The following ACOX3 variants were observed in gnomAD, a reference collection of about 807,000 sequenced individuals.
The protein encoded by ACOX3 is acyl-CoA oxidase 3, pristanoyl, also known as peroxisomal acyl-coenzyme A oxidase 3.
A neutral mutation model predicts 81.5 loss-of-function variants in ACOX3; 73 were observed. That is an observed-to-expected ratio of 0.90 (90% CI 0.74 to 1.09). The LOEUF (loss-of-function observed/expected upper bound fraction) is 1.09, where lower values mean the gene tolerates loss of function less well. Ranked by LOEUF, ACOX3 falls within the 50% of genes least tolerant of loss-of-function variation. The pLI is 0.00. For synonymous variants in ACOX3, 387 were observed against 375.1 expected (o/e 1.03, Z -0.37); for missense variants, 947 against 928.0 (o/e 1.02, Z -0.27).
chr4:8,372,274 A>AT (rs1560165585), intron 16 of ACOX3, among the ~76,000 whole-genome samples: 4 of 152,106 alleles, frequency 2.6e-5, no homozygotes, highest in Non-Finnish European at 5.9e-5. Context: ...TTTTAAAATT[A>AT]TTTTTTGTAG....
chr4:8,382,598 G>C lies in ACOX3; in HGVS notation c.1538-991C>G, dbSNP rs1385623959. ...CGGTCTTGCTCAGAGATCCCAGGCA[G>C]GAGAATGGGGATCAGCCACACTGAG... On this transcript the variant is annotated intron_variant, in intron 13 of 17. Transcript: ENST00000356406. The surrounding 1 kb of genome is among the most constrained non-coding windows in gnomAD (Gnocchi z 4.1). 6.6e-6 allele frequency among the ~76,000 whole-genome samples: 1 copy of C among 152,238 alleles called. No homozygotes were observed. The highest frequency in any genetic ancestry group is 6.5e-5 in the Admixed American group (1 of 15,292).
In ACOX3 at chr4:8,389,597, G is replaced by A. The variant is rs1252728762; in HGVS notation, c.1423+15C>T. ...TGGGTTCCAGCGCCCCCACCAGTGT[G>A]CAGCAGAGCCTCACCGTGGACCTGG... On this transcript the variant is annotated intron_variant, in intron 12 of 17. Transcript: ENST00000356406. The surrounding 1 kb of genome is among the most constrained non-coding windows in gnomAD (Gnocchi z 5.3). 1.9e-6 allele frequency: 3 copies of A among 1,613,470 alleles called. No individual in the cohort carries two copies. Among genetic ancestry groups the A allele is most frequent in the Non-Finnish European group, 2.5e-6 (3 of 1,179,960 alleles).
chr4:8,403,560 G>A (rs989450032), intron 7 of ACOX3, among the ~76,000 whole-genome samples: 6 of 152,218 alleles, frequency 3.9e-5, no homozygotes, highest in African/African-American at 1.2e-4. Context: ...GGGGCTCAGT[G>A]ACCTGGCTTG....
chr4:8,390,077 C>G (rs1249872667), intron 11 of ACOX3, among the ~76,000 whole-genome samples: 6 of 133,542 alleles, frequency 4.5e-5, no homozygotes, highest in African/African-American at 1.9e-4. Context: ...CACTCCAGCC[C>G]GGGTGACAGA....
chr4:8,386,896 C>T lies in ACOX3; in HGVS notation c.1537+2277G>A, dbSNP rs937583374. Among the ~76,000 whole-genome samples, 3 of 152,220 alleles carry T rather than the reference C, an allele frequency of 2.0e-5. No homozygotes were observed. The highest frequency in any genetic ancestry group is 1.9e-4 in the East Asian group (1 of 5,180). ...CTGGAGACGGACAAGGACACACGCT[C>T]GGGGGCTGCTATCACATCCACGGCG... On this transcript the variant is annotated intron_variant, in intron 13 of 17. Transcript: ENST00000356406. The surrounding 1 kb of genome is among the most constrained non-coding windows in gnomAD (Gnocchi z 5.2).
chr4:8,407,026 G>C lies in ACOX3; in HGVS notation c.688-983C>G, dbSNP rs1721062529. Among the ~76,000 whole-genome samples the C allele has an allele frequency of 1.3e-5, 2 of 152,144 alleles. No individual in the cohort carries two copies. The highest frequency in any genetic ancestry group is 1.3e-4 in the Admixed American group (2 of 15,284). The stretch of plus-strand genomic sequence containing the variant: ...GCAGGTGTTTTTCCTTGACACTTAT[G>C]CTACCGCTAGACCACGGTCTGCTTG... On this transcript the variant is annotated intron_variant, in intron 6 of 17. Transcript: ENST00000356406. The surrounding 1 kb of genome is among the most constrained non-coding windows in gnomAD (Gnocchi z 4.6).
chr4:8,403,606 G>A (rs561089179), intron 7 of ACOX3, among the ~76,000 whole-genome samples: 6 of 152,320 alleles, frequency 3.9e-5, no homozygotes, highest in East Asian at 3.9e-4. Context: ...AAGGGCGGTC[G>A]TTATTGTGTT....
the ACOX3 span, chr4:8,357,356 C>CT: frequency 2.4e-6 from 1 of 421,356 alleles, no homozygotes; most frequent in Admixed American, 2.5e-5. Flanking sequence ...TGCAGGAACA[C>CT]TGGCATGAAC....
Position 8,433,270 on chromosome 4 carries a change from A to G in ACOX3, c.-15+7378T>C, listed in dbSNP as rs914014289. ...TTCAGCAGTTATTCACTATGAGATT[A>G]TACTGGATTAGGGTTGGCCCTAATC... On this transcript the variant is annotated intron_variant, in intron 1 of 17. Transcript: ENST00000356406. 5.9e-5 allele frequency among the ~76,000 whole-genome samples: 9 copies of G among 152,280 alleles called. No individual in the cohort carries two copies. The South Asian group carries it at 1.0e-3, about 18-fold the overall frequency.
chr4:8,416,396 C>G lies in ACOX3; in HGVS notation c.126G>C (p.Glu42Asp). Residue 42 changes from glutamate to aspartate, a missense_variant, in exon 2 of 18, where the codon GAG (glutamate) becomes GAC (aspartate). Glu to Asp is a conservative substitution (Grantham distance 45). Transcript: ENST00000356406. The surrounding 1 kb of genome is among the most constrained non-coding windows in gnomAD (Gnocchi z 4.2). ...GCCTCACCTTAAAGCGGAGCATGCC[C>G]TCCCCTTCCGTGAACAGCGCCAGCT... ...WKELALFTEGEGMLRFKKTIF... is the reference protein window; with the variant it reads ...WKELALFTEGDGMLRFKKTIF... The G allele has an allele frequency of 4.3e-6, 7 of 1,614,216 alleles. No individual in the cohort carries two copies. Among genetic ancestry groups the G allele is most frequent in the Non-Finnish European group, 5.9e-6 (7 of 1,180,044 alleles).
At chr4:8,393,670 G>T (rs2108875944) in intron 10 of ACOX3, among the ~76,000 whole-genome samples, 1 of 149,282 alleles carries the variant, frequency 6.7e-6, no homozygotes. Context: ...CGCATGCTAA[G>T]TCCAGTGACC....
chr4:8,429,247 C>A (rs912166134), intron 1 of ACOX3, among the ~76,000 whole-genome samples: 2 of 152,196 alleles, frequency 1.3e-5, no homozygotes, highest in Admixed American at 1.3e-4. Flanking sequence ...ATTTATTTAG[C>A]CAGCGGCCAA....
At chr4:8,404,765 A>G (rs938152799) in intron 7 of ACOX3, among the ~76,000 whole-genome samples, 1 of 152,192 alleles carries the variant, frequency 6.6e-6, no homozygotes, top group Admixed American at 6.5e-5. Context: ...CCTCTCCACC[A>G]GCCTCGCTAT....
At position 8,384,842 on chromosome 4, in the gene ACOX3, G is replaced by A. The variant is rs1415864102; in HGVS notation, c.1538-3235C>T. On this transcript the variant is annotated intron_variant, in intron 13 of 17. Coordinates refer to ENST00000356406, the MANE Select transcript of ACOX3 (RefSeq NM_003501.3). This position sits in a 1 kb window ranked among gnomAD's most constrained non-coding sequence, Gnocchi z 5.3. ...TCAGCCAGATCACAGGCCCGGGTCT[G>A]ACCATGCCCGCCGCTCTGGTGCTCC... Among the ~76,000 whole-genome samples, 1 of 152,158 alleles carries A rather than the reference G, an allele frequency of 6.6e-6. No homozygotes were observed. Among genetic ancestry groups the A allele is most frequent in the African/African-American group, 2.4e-5 (1 of 41,442 alleles).
At chr4:8,388,501 T>C (rs564981938) in intron 13 of ACOX3, among the ~76,000 whole-genome samples, 1 of 152,238 alleles carries the variant, frequency 6.6e-6, no homozygotes, top group Non-Finnish European at 1.5e-5. Context: ...CTTTCGATGC[T>C]GCCAGCACGG....
At chr4:8,371,874 C>A (rs769524248) in intron 16 of ACOX3, among the ~76,000 whole-genome samples, 80 of 152,374 alleles carry the variant, frequency 5.3e-4, no homozygotes, top group Admixed American at 1.4e-3. Context: ...GCCACGGTCT[C>A]TGGCAACTGC....
chr4:8,358,813 T>C, the ACOX3 span, among the ~76,000 whole-genome samples: 6 of 152,346 alleles, frequency 3.9e-5, no homozygotes, highest in Admixed American at 3.9e-4. Flanking sequence ...GATTAGCATA[T>C]CATCAAGAAA....
chr4:8,414,306 C>G lies in ACOX3; in HGVS notation c.529G>C (p.Asp177His). 1 of 1,613,940 alleles carries G rather than the reference C, an allele frequency of 6.2e-7. No homozygotes were observed. Among genetic ancestry groups the G allele is most frequent in the Non-Finnish European group, 8.5e-7 (1 of 1,179,902 alleles). ...GTAATACCTACCTCAGTGGCAGGATCGTAGTGGGCAGTTGTGCGAATGGCC... is the reference window on the plus strand; with the variant it reads ...GTAATACCTACCTCAGTGGCAGGATGGTAGTGGGCAGTTGTGCGAATGGCC... The part of the protein sequence containing the change: ...TKAIRTTAHY[D>H]PATEEFIIHS... The change falls in exon 5 of 18, where the codon GAT becomes CAT. Residue 177 changes from aspartate to histidine, a missense_variant. By Grantham distance (81) the Asp-to-His change is moderately conservative (BLOSUM62 -1). Coordinates refer to ENST00000356406, the MANE Select transcript of ACOX3 (RefSeq NM_003501.3). This position sits in a 1 kb window ranked among gnomAD's most constrained non-coding sequence, Gnocchi z 6.1.
chr4:8,414,194 C>A lies in ACOX3; in HGVS notation c.543+98G>T. 1 of 1,070,890 alleles carries A rather than the reference C, an allele frequency of 9.3e-7. No homozygotes were observed. Among genetic ancestry groups the A allele is most frequent in the Non-Finnish European group, 1.4e-6 (1 of 702,594 alleles). The allele number at this position is 1,070,890 out of a possible 1,614,324, so 66.3% of individuals were successfully genotyped here. On this transcript the variant is annotated intron_variant, in intron 5 of 17. Transcript: ENST00000356406. This position sits in a 1 kb window ranked among gnomAD's most constrained non-coding sequence, Gnocchi z 6.1. ...CAAGTGTATGTGGACAGGCCTCTTG[C>A]TTTAATGTTTTTTTTTTCTTATTCT...
Sources: gnomAD v4.1 joint callset for allele counts (sites outside exome capture counted in the v4.1 genomes callset) on GRCh38, gnomAD v4.1.1 for gene constraint, Gnocchi (gnomAD v3.1) non-coding constraint, MANE v1.5 for transcripts, NCBI Gene and HGNC (gene_info 2026-07-23, HGNC 2026-07-21) for gene names.